The following TMEM108 variants were observed in gnomAD, a reference collection of about 807,000 sequenced individuals.
TMEM108 encodes the protein transmembrane protein 108, also known as cancer/testis antigen 124.
Under a neutral mutation model 35.1 loss-of-function variants are expected in TMEM108, and 12 were observed. The ratio of observed to expected loss-of-function variants is 0.34; its 90% CI spans 0.22 to 0.55. The LOEUF (loss-of-function observed/expected upper bound fraction) is 0.55, where lower values mean the gene tolerates loss of function less well. Ranked by LOEUF, TMEM108 falls within the 20% of genes least tolerant of loss-of-function variation. The pLI, the probability that TMEM108 is intolerant of heterozygous loss-of-function variation, is 0.89. For synonymous variants in TMEM108, 287 were observed against 308.6 expected (o/e 0.93, Z 0.73); for missense variants, 680 against 753.3 (o/e 0.90, Z 1.14).
chr3:133,362,422 C>A (rs2072379775), intron 3 of TMEM108, among the ~76,000 whole-genome samples: 2 of 152,268 alleles, frequency 1.3e-5, no homozygotes, highest in South Asian at 4.1e-4. Flanking sequence ...ACAAATGTGG[C>A]CAGAGCTACC....
intron 2 of TMEM108, among the ~76,000 whole-genome samples, chr3:133,099,877 G>A (rs1432927414): frequency 2.0e-5 from 3 of 152,228 alleles, no homozygotes; most frequent in East Asian, 1.9e-4. Flanking sequence ...ACATTTTTCT[G>A]TCTTCTTCTG....
At chr3:133,375,550 A>G (rs2072811279) in intron 3 of TMEM108, among the ~76,000 whole-genome samples, 1 of 152,188 alleles carries the variant, frequency 6.6e-6, no homozygotes, top group Admixed American at 6.5e-5. Context: ...GTCCAGCACA[A>G]AGGGCCTTGA....
At chr3:133,142,321 A>C (rs1944652465) in intron 2 of TMEM108, among the ~76,000 whole-genome samples, 1 of 152,204 alleles carries the variant, frequency 6.6e-6, no homozygotes, top group Non-Finnish European at 1.5e-5. Flanking sequence ...TTAAAAGCAG[A>C]ATATGAGACT....
At chr3:133,386,359 AGTT>A (rs1219312296) in intron 4 of TMEM108, 16 of 1,524,520 alleles carry the variant, frequency 1.0e-5, no homozygotes, top group Admixed American at 3.9e-5. Flanking sequence ...GCAATTCAAT[AGTT>A]GTTTGAAAGG....
chr3:133,267,080 C>G (rs911870201), intron 3 of TMEM108, among the ~76,000 whole-genome samples: 2 of 115,954 alleles, frequency 1.7e-5, no homozygotes, highest in African/African-American at 6.8e-5. Flanking sequence ...GACTCCACCT[C>G]AAAAAAAAAA....
At chr3:133,262,670 T>C (rs765125492) in intron 3 of TMEM108, among the ~76,000 whole-genome samples, 30 of 152,244 alleles carry the variant, frequency 2.0e-4, no homozygotes, top group Non-Finnish European at 2.9e-4. Flanking sequence ...GTAATACTTG[T>C]GAATTCCTGA....
At chr3:133,136,487 T>C (rs1944566514) in intron 2 of TMEM108, among the ~76,000 whole-genome samples, 1 of 152,220 alleles carries the variant, frequency 6.6e-6, no homozygotes, top group Admixed American at 6.5e-5. Context: ...GACTAGGGCT[T>C]TCTTTTTGAT....
At chr3:133,368,306 T>C (rs894556717) in intron 3 of TMEM108, among the ~76,000 whole-genome samples, 1 of 152,228 alleles carries the variant, frequency 6.6e-6, no homozygotes, top group Non-Finnish European at 1.5e-5. Flanking sequence ...GCTGCTGTCA[T>C]CACAGCCTTC....
intron 5 of TMEM108, among the ~76,000 whole-genome samples, chr3:133,394,780 C>G (rs938852150): frequency 6.6e-6 from 1 of 152,198 alleles, no homozygotes; most frequent in African/African-American, 2.4e-5. Flanking sequence ...GACATTTTAT[C>G]AACAATGGCA....
chr3:133,292,141 C>T (rs1340951363), intron 3 of TMEM108, among the ~76,000 whole-genome samples: 1 of 147,214 alleles, frequency 6.8e-6, no homozygotes, highest in Non-Finnish European at 1.5e-5. Context: ...AGAAGTTTAC[C>T]AGATTGGTAA....
rs80004847 is a variant in TMEM108, at chr3:133,271,505, G to C, written c.40+42154G>C. ...TTTCTTGGAAATAATTTCTTATGTG[G>C]TGTCAAGTCTCTGGAGAAAAATGCA... On this transcript the variant is annotated intron_variant, in intron 3 of 5. Transcript: ENST00000321871. Among the ~76,000 whole-genome samples, 1,024 of 152,236 alleles carry C rather than the reference G, an allele frequency of 6.7e-3. 16 individuals are homozygous for C. The highest frequency in any genetic ancestry group is 0.023 in the African/African-American group (963 of 41,536).
intron 3 of TMEM108, among the ~76,000 whole-genome samples, chr3:133,235,960 A>G (rs577492519): frequency 6.6e-6 from 1 of 152,234 alleles, no homozygotes; most frequent in Non-Finnish European, 1.5e-5. Flanking sequence ...TCTGAATCTG[A>G]GTCTTGATTT....
chr3:133,042,763 A>C (rs1407901515), intron 1 of TMEM108, among the ~76,000 whole-genome samples: 1 of 152,214 alleles, frequency 6.6e-6, no homozygotes, highest in African/African-American at 2.4e-5. Flanking sequence ...CCAAGGTAAC[A>C]GAGCTAGTTA....
intron 2 of TMEM108, among the ~76,000 whole-genome samples, chr3:133,212,678 G>A (rs1188598607): frequency 2.6e-5 from 4 of 151,894 alleles, no homozygotes; most frequent in Admixed American, 2.6e-4. Flanking sequence ...ACCAGCTTGG[G>A]CAACATGGCG....
intron 2 of TMEM108, among the ~76,000 whole-genome samples, chr3:133,105,755 G>A (rs1233162826): frequency 6.6e-6 from 1 of 152,162 alleles, no homozygotes; most frequent in Non-Finnish European, 1.5e-5. Flanking sequence ...GAAAACTATT[G>A]CTTCTGCTAG....
chr3:133,042,507 C>G (rs960607985), intron 1 of TMEM108, among the ~76,000 whole-genome samples: 1 of 152,138 alleles, frequency 6.6e-6, no homozygotes, highest in Non-Finnish European at 1.5e-5. Flanking sequence ...AAAATCTCTT[C>G]CAAGTCTAAA....
intron 2 of TMEM108, among the ~76,000 whole-genome samples, chr3:133,110,401 C>T (rs1257131148): frequency 6.6e-6 from 1 of 152,190 alleles, no homozygotes; most frequent in Non-Finnish European, 1.5e-5. Context: ...ACCATGTTTA[C>T]ACCAGTAGGT....
chr3:133,335,787 T>C (rs2071484755), intron 3 of TMEM108, among the ~76,000 whole-genome samples: 1 of 152,160 alleles, frequency 6.6e-6, no homozygotes, highest in African/African-American at 2.4e-5. Context: ...TTCATATCGC[T>C]GAAAGAGTCA....
chr3:133,321,876 AC>A (rs1350160613), intron 3 of TMEM108, among the ~76,000 whole-genome samples: 15 of 152,284 alleles, frequency 9.9e-5, no homozygotes, highest in African/African-American at 3.4e-4. Context: ...TCCAAATGGA[AC>A]CCTCAAAACT....
Sources: allele counts gnomAD v4.1 joint callset (sites outside exome capture counted in the v4.1 genomes callset), GRCh38; gene constraint gnomAD v4.1.1; transcripts MANE v1.5; gene names NCBI Gene and HGNC (gene_info 2026-07-23, HGNC 2026-07-21).